Variants in SIPA1L1 observed in about 807,000 individuals in gnomAD.
The protein encoded by SIPA1L1 is signal induced proliferation associated 1 like 1.
SIPA1L1 carries 26 observed loss-of-function variants against 162.7 expected under a neutral mutation model. The observed-to-expected ratio is 0.16, with a 90% CI of 0.12 to 0.22. SIPA1L1 has a LOEUF of 0.22. SIPA1L1 is among the 10% of genes least tolerant of loss of function. The pLI is 1.00. For missense variants in SIPA1L1, 1,874 were observed against 2,241.0 expected (o/e 0.84, Z 3.31); for synonymous variants, 829 against 837.4 (o/e 0.99, Z 0.17).
chr14:71,451,484 A>G (rs2045816965), intron 2 of SIPA1L1, among the ~76,000 whole-genome samples: 1 of 151,830 alleles, frequency 6.6e-6, no homozygotes, highest in Non-Finnish European at 1.5e-5. Flanking sequence ...AAAATTTTAA[A>G]ATTACCCAGG....
At chr14:71,529,894 G>C (rs1427913670) in intron 4 of SIPA1L1, among the ~76,000 whole-genome samples, 1 of 152,234 alleles carries the variant, frequency 6.6e-6, no homozygotes, top group Non-Finnish European at 1.5e-5. Context: ...GGTTAGGACA[G>C]AGCTGCCTCT....
intron 2 of SIPA1L1, among the ~76,000 whole-genome samples, chr14:71,407,280 G>A (rs1049055992): frequency 4.6e-5 from 7 of 152,096 alleles, no homozygotes; most frequent in African/African-American, 1.7e-4. Flanking sequence ...TTTTGATTTT[G>A]CTTCTCACCT....
At chr14:71,557,212 G>A (rs1375426384) in intron 4 of SIPA1L1, among the ~76,000 whole-genome samples, 1 of 152,058 alleles carries the variant, frequency 6.6e-6, no homozygotes, top group Non-Finnish European at 1.5e-5. Context: ...TTGTATTTAT[G>A]GTATTTTTTA....
chr14:71,659,442 A>G (rs916452097), intron 9 of SIPA1L1, among the ~76,000 whole-genome samples: 9 of 152,248 alleles, frequency 5.9e-5, no homozygotes, highest in African/African-American at 9.6e-5. Context: ...GAGCAAAGCA[A>G]TGAATCAGCT....
chr14:71,676,866 C>T (rs539809506), intron 12 of SIPA1L1, among the ~76,000 whole-genome samples: 15 of 152,152 alleles, frequency 9.9e-5, no homozygotes, highest in African/African-American at 3.4e-4. Flanking sequence ...TTTCTTAATC[C>T]AGTCTATCAT....
At chr14:71,479,371 A>ATGTATGTATGTATGTG (rs1555433746) in intron 2 of SIPA1L1, among the ~76,000 whole-genome samples, 1 of 151,202 alleles carries the variant, frequency 6.6e-6, no homozygotes, top group African/African-American at 2.4e-5. Context: ...GTATGTATGT[A>ATGTATGTATGTATGTG]TGTGTGTATA....
At chr14:71,669,843 A>G (rs1454174580) in intron 10 of SIPA1L1, among the ~76,000 whole-genome samples, 3 of 152,326 alleles carry the variant, frequency 2.0e-5, no homozygotes, top group East Asian at 1.9e-4. Context: ...CCATTCCACC[A>G]GAAATATAAT....
At chr14:71,460,477 T>G (rs2046513701) in intron 2 of SIPA1L1, among the ~76,000 whole-genome samples, 1 of 152,160 alleles carries the variant, frequency 6.6e-6, no homozygotes, top group Non-Finnish European at 1.5e-5. Context: ...AGTAGACTGA[T>G]TTCATCTTGA....
chr14:71,705,407 A>G lies in SIPA1L1; in HGVS notation c.3765+67A>G, dbSNP rs1234847261. ...AGTGTACCTTCCTTGCACTATGAAA[A>G]TGCTCTGCTCTTTCCTCTGCATGGC... On this transcript the variant is annotated intron_variant, in intron 16 of 23. Transcript: ENST00000381232. 2.0e-5 allele frequency: 23 copies of G among 1,160,938 alleles called. 1 individual carries two copies. The South Asian group carries it at 2.5e-4, about 13-fold the overall frequency. 71.9% of individuals were successfully genotyped at this position (1,160,938 alleles called of 1,614,324 possible).
chr14:71,420,283 A>G (rs2043088118), intron 2 of SIPA1L1, among the ~76,000 whole-genome samples: 1 of 152,222 alleles, frequency 6.6e-6, no homozygotes, highest in Non-Finnish European at 1.5e-5. Context: ...ACCAAACATA[A>G]TAAGGCCTTT....
intron 12 of SIPA1L1, among the ~76,000 whole-genome samples, chr14:71,672,901 A>G (rs967998614): frequency 1.3e-5 from 2 of 152,216 alleles, no homozygotes; most frequent in East Asian, 1.9e-4. Flanking sequence ...GGTAATATCT[A>G]TCTTAAGAAT....
At chr14:71,330,037 A>G (rs1314868325) in intron 2 of SIPA1L1, among the ~76,000 whole-genome samples, 1 of 152,208 alleles carries the variant, frequency 6.6e-6, no homozygotes, top group Non-Finnish European at 1.5e-5. Flanking sequence ...TATAATTAAA[A>G]TATGACAGGT....
intron 20 of SIPA1L1, among the ~76,000 whole-genome samples, chr14:71,730,830 T>C (rs1002012984): frequency 2.6e-5 from 4 of 152,228 alleles, no homozygotes; most frequent in Non-Finnish European, 5.9e-5. Context: ...GGTACCTCCA[T>C]GTTCTTGCAC....
intron 2 of SIPA1L1, among the ~76,000 whole-genome samples, chr14:71,435,299 A>G (rs1000296001): frequency 1.3e-5 from 2 of 152,008 alleles, no homozygotes; most frequent in Non-Finnish European, 2.9e-5. Context: ...TACATTAGGT[A>G]TATCTCCTAA....
At chr14:71,528,374 GCTGGGCGCAGTATCTCACGT>G (rs1241054135) in intron 3 of SIPA1L1, among the ~76,000 whole-genome samples, 1 of 152,146 alleles carries the variant, frequency 6.6e-6, no homozygotes, top group Non-Finnish European at 1.5e-5. Flanking sequence ...CTATTTTTCA[GCTGGGCGCAGTATCTCACGT>G]CTGTAATCCC....
intron 2 of SIPA1L1, among the ~76,000 whole-genome samples, chr14:71,439,623 T>TTA (rs1408481983): frequency 2.0e-5 from 3 of 152,250 alleles, no homozygotes; most frequent in African/African-American, 7.2e-5. Context: ...GAAAAGAATA[T>TTA]TAAAGTGTCA....
chr14:71,603,688 C>T (rs937166984), intron 5 of SIPA1L1, among the ~76,000 whole-genome samples: 7 of 151,726 alleles, frequency 4.6e-5, no homozygotes, highest in East Asian at 2.0e-4. Context: ...TTTGGGAGGC[C>T]GAGGCGGGTG....
chr14:71,515,680 TG>T (rs1216667064), intron 3 of SIPA1L1, among the ~76,000 whole-genome samples: 12 of 152,210 alleles, frequency 7.9e-5, no homozygotes, highest in African/African-American at 2.9e-4. Context: ...AGTCTTACTC[TG>T]TCTCCCACGC....
At chr14:71,668,769 A>G (rs933956542) in intron 10 of SIPA1L1, among the ~76,000 whole-genome samples, 3 of 152,252 alleles carry the variant, frequency 2.0e-5, no homozygotes, top group African/African-American at 7.2e-5. Flanking sequence ...AAGCATGGCT[A>G]TGATTTTAAA....
Sources: allele counts gnomAD v4.1 joint callset (sites outside exome capture counted in the v4.1 genomes callset), GRCh38; gene constraint gnomAD v4.1.1; transcripts MANE v1.5; gene names NCBI Gene and HGNC (gene_info 2026-07-23, HGNC 2026-07-21).